PROM1: variants seen among roughly 807,000 people sequenced by gnomAD.
The protein encoded by PROM1 is prominin 1, also known as prominin-1.
In PROM1, 105 loss-of-function variants were observed where a neutral mutation model predicts 116.9. The observed-to-expected ratio is 0.90, with a 90% confidence interval of 0.77 to 1.06. The LOEUF is 1.06. PROM1 is among the 50% of genes least tolerant of loss of function. PROM1 has a pLI of 0.00. For missense variants in PROM1, 1,122 were observed against 1,045.2 expected, an observed-to-expected ratio of 1.07 and a Z score of -1.01; for synonymous variants, 393 against 387.0, an observed-to-expected ratio of 1.02 and a Z score of -0.18.
intron 18 of PROM1, 38 bp downstream of exon 18, chr4:15,991,184 C>T: frequency 6.5e-7 from 1 of 1,542,758 alleles, no homozygotes. Context: ...TTGACATCTA[C>T]AACTACTACA....
At chr4:16,080,039 T>TAAAAAAA (rs1744732292) in intron 1 of PROM1, 1 of 83,220 alleles carries the variant, frequency 1.2e-5, no homozygotes, top group Non-Finnish European at 3.0e-5. Context: ...AAAAAAAAAT[T>TAAAAAAA]TAAATTAGCA....
chr4:16,022,787 T>A (rs1293452711), intron 8 of PROM1, among the ~76,000 whole-genome samples: 1 of 152,216 alleles, frequency 6.6e-6, no homozygotes, highest in Non-Finnish European at 1.5e-5. Flanking sequence ...CCATTGACCA[T>A]GGAGGCTTAA....
At chr4:15,994,574 C>G (rs1721849978) in intron 15 of PROM1, among the ~76,000 whole-genome samples, 1 of 152,160 alleles carries the variant, frequency 6.6e-6, no homozygotes, top group Non-Finnish European at 1.5e-5. Context: ...GGAGGAGACG[C>G]AGACATCTCG....
rs1373516959 is a variant in PROM1 at position 16,064,036 on chromosome 4, G to A, written c.220+11651C>T. On this transcript the variant is annotated intron_variant, in intron 2 of 27. Transcript: ENST00000447510. ...ATAATGTTTTTAAAAAATTTGCTTG[G>A]CATACGCACTTGGGAAAACTTTTTG... Among the ~76,000 whole-genome samples, 3 of 151,998 alleles carry A rather than the reference G, an allele frequency of 2.0e-5. No individual in the cohort carries two copies. The East Asian group carries it at 5.8e-4, about 29-fold the overall frequency.
intron 20 of PROM1, among the ~76,000 whole-genome samples, chr4:15,987,288 G>A (rs2149088439): frequency 6.6e-6 from 1 of 152,314 alleles, no homozygotes; most frequent in East Asian, 1.9e-4. Context: ...TCAATGGGAA[G>A]ATGTGTAGAG....
At chr4:16,039,898 T>C (rs1005804857) in intron 2 of PROM1, among the ~76,000 whole-genome samples, 3 of 152,034 alleles carry the variant, frequency 2.0e-5, no homozygotes, top group African/African-American at 7.3e-5. Context: ...AGCCACCTCT[T>C]AACCCTGAGC....
intron 2 of PROM1, among the ~76,000 whole-genome samples, chr4:16,069,702 C>T (rs4698446): frequency 0.012 from 1,846 of 152,282 alleles, 105 homozygotes; most frequent in Admixed American, 0.099. Flanking sequence ...CATCATCTAC[C>T]TTCCAAAGTT....
At chr4:15,993,903 A>C in intron 16 of PROM1, 84 bp downstream of exon 16, 1 of 1,551,760 alleles carries the variant, frequency 6.4e-7, no homozygotes, top group East Asian at 2.3e-5. Flanking sequence ...TGCAAATTTC[A>C]TCTCAATTTC....
intron 11 of PROM1, among the ~76,000 whole-genome samples, chr4:16,012,796 G>A (rs184615845): frequency 0.012 from 1,771 of 150,780 alleles, 11 homozygotes; most frequent in Non-Finnish European, 0.019. Context: ...GCGTGAACCC[G>A]GGAGGCGGAG....
intron 2 of PROM1, among the ~76,000 whole-genome samples, chr4:16,045,362 G>A (rs933850461): frequency 2.6e-5 from 4 of 152,062 alleles, no homozygotes; most frequent in South Asian, 2.1e-4. Context: ...GGAGAATTCC[G>A]AAGCCCAAGT....
chr4:16,032,510 C>G (rs191041028), intron 5 of PROM1, among the ~76,000 whole-genome samples: 4 of 152,256 alleles, frequency 2.6e-5, no homozygotes, highest in Admixed American at 6.5e-5. Flanking sequence ...GTTGGCCAAC[C>G]CTTGCTGTGC....
intron 14 of PROM1, among the ~76,000 whole-genome samples, chr4:15,999,219 C>T (rs112888257): frequency 3.3e-5 from 5 of 152,080 alleles, no homozygotes; most frequent in African/African-American, 4.8e-5. Flanking sequence ...CGCCTGTAAT[C>T]CCAGCACTTT....
rs35012319 is a variant in PROM1, at chr4:16,002,208, GA to G, written c.1455-1590del. ...GTTGCAGGAAAGTGTGGGGGGTGTCGAAAAAGAAAAAAAACAGAAAGAGAAG... is the reference window on the plus strand; with the variant it reads ...GTTGCAGGAAAGTGTGGGGGGTGTCGAAAAGAAAAAAAACAGAAAGAGAAG... On this transcript the variant is annotated intron_variant, in intron 13 of 27. Transcript: ENST00000447510. 7.9e-5 allele frequency among the ~76,000 whole-genome samples: 12 copies of G among 151,142 alleles called. No homozygotes were observed. In the East Asian group the frequency reaches 2.3e-3, roughly 29 times the overall value.
At chr4:15,970,452 C>T (rs1230901828) in intron 27 of PROM1, among the ~76,000 whole-genome samples, 1 of 151,762 alleles carries the variant, frequency 6.6e-6, no homozygotes, top group Admixed American at 6.6e-5. Context: ...GGATTACAGG[C>T]GTGAGCCACC....
intron 19 of PROM1, among the ~76,000 whole-genome samples, chr4:15,987,938 A>G (rs1176950956): frequency 1.4e-5 from 2 of 144,678 alleles, no homozygotes; most frequent in African/African-American, 2.6e-5. Context: ...GTGCAGTGGC[A>G]CGATCTCAGC....
In PROM1 at chr4:15,991,265, A is replaced by C. The variant is rs761203282; in HGVS notation, c.1940T>G (p.Leu647Arg). ...QTGKSPAGVN[L>R]LSFAYDLEAK... ...TTCTAGATCATATGCAAATGATAAAAGATTCACTCCTGCGGGGGATTTACC... is the reference window on the plus strand; with the variant it reads ...TTCTAGATCATATGCAAATGATAAACGATTCACTCCTGCGGGGGATTTACC... The change falls in exon 18 of 28, where the codon CTT (leucine) becomes CGT (arginine). Residue 647 changes from leucine to arginine, a missense_variant. Coordinates refer to ENST00000447510, the MANE Select transcript of PROM1 (RefSeq NM_006017.3). 1 of 1,607,244 alleles carries C rather than the reference A, an allele frequency of 6.2e-7. No homozygotes were observed. Among genetic ancestry groups the C allele is most frequent in the South Asian group, 1.1e-5 (1 of 89,282 alleles).
At chr4:15,973,913 T>C (rs910003234) in intron 26 of PROM1, among the ~76,000 whole-genome samples, 1 of 152,128 alleles carries the variant, frequency 6.6e-6, no homozygotes, top group Non-Finnish European at 1.5e-5. Context: ...AGGGCCGATG[T>C]GGGGACTGCG....
At chr4:15,969,682 G>A (rs1396580977) in intron 27 of PROM1, among the ~76,000 whole-genome samples, 1 of 152,088 alleles carries the variant, frequency 6.6e-6, no homozygotes, top group Non-Finnish European at 1.5e-5. Flanking sequence ...CGTCTCCCGG[G>A]TTTAAGCCTC....
In PROM1 at chr4:16,008,968, C is replaced by T; in HGVS notation, c.1282G>A (p.Glu428Lys). ...ACTCACCAGTATGAATCATACTCTT[C>T]CAATGTAGGTAAATTTCTGTGGATG... is the stretch of plus-strand genomic sequence containing the variant. ...SYIHRNLPTL[E>K]EYDSYWWLGG... is the part of the protein sequence containing the mutation. Residue 428 changes from glutamate to lysine, a missense_variant, in exon 12 of 28, where the codon GAA (glutamate) becomes AAA (lysine). Glu to Lys is a moderately conservative substitution (Grantham distance 56). Transcript: ENST00000447510. 1 of 1,591,642 alleles carries T rather than the reference C, an allele frequency of 6.3e-7. No individual in the cohort carries two copies. The highest frequency in any genetic ancestry group is 8.6e-7 in the Non-Finnish European group (1 of 1,160,546).
Sources: allele counts gnomAD v4.1 joint callset (sites outside exome capture counted in the v4.1 genomes callset), GRCh38; gene constraint gnomAD v4.1.1; transcripts MANE v1.5; gene names NCBI Gene and HGNC (gene_info 2026-07-23, HGNC 2026-07-21).